The following AGO3 variants were observed in gnomAD, a reference collection of about 807,000 sequenced individuals.
The protein encoded by AGO3 is protein argonaute-3.
AGO3 carries 16 observed loss-of-function variants against 105.5 expected under a neutral mutation model. That is an observed-to-expected ratio of 0.15 (90% CI 0.10 to 0.23). AGO3 has a LOEUF of 0.23. Ranked by LOEUF, AGO3 falls within the 10% of genes least tolerant of loss-of-function variation. The pLI, the probability that AGO3 is intolerant of heterozygous loss-of-function variation, is 1.00. For synonymous variants in AGO3, 340 were observed against 367.3 expected, an observed-to-expected ratio of 0.93 and a Z score of 0.85; for missense variants, 534 against 1,088.0, an observed-to-expected ratio of 0.49 and a Z score of 7.16.
chr1:35,936,480 G>A (rs1384040082), intron 1 of AGO3, among the ~76,000 whole-genome samples: 1 of 152,128 alleles, frequency 6.6e-6, no homozygotes, highest in South Asian at 2.1e-4. Context: ...GTGCAATGGT[G>A]TGATCTTGGC....
At chr1:35,943,037 CTG>C (rs1646285555) in intron 1 of AGO3, among the ~76,000 whole-genome samples, 1 of 151,774 alleles carries the variant, frequency 6.6e-6, no homozygotes, top group South Asian at 2.1e-4. Flanking sequence ...GAGTCTCGCT[CTG>C]TCACCCAGGC....
At chr1:35,972,807 T>C (rs1002067769) in intron 4 of AGO3, among the ~76,000 whole-genome samples, 4 of 151,580 alleles carry the variant, frequency 2.6e-5, no homozygotes, top group African/African-American at 9.7e-5. Context: ...GCCTTCTGAG[T>C]AGCTGGGACC....
intron 2 of AGO3, among the ~76,000 whole-genome samples, chr1:35,956,540 C>A (rs1646567947): frequency 6.6e-6 from 1 of 151,778 alleles, no homozygotes; most frequent in African/African-American, 2.4e-5. Flanking sequence ...TCAGGTTTAC[C>A]AGTGAAAACA....
intron 2 of AGO3, among the ~76,000 whole-genome samples, chr1:35,946,096 C>T (rs138986922): frequency 6.6e-6 from 1 of 152,250 alleles, no homozygotes; most frequent in East Asian, 1.9e-4. Context: ...AGAAAAGGTT[C>T]AAGTTATTTT....
intron 13 of AGO3, among the ~76,000 whole-genome samples, chr1:36,035,292 C>G (rs1641952081): frequency 6.6e-6 from 1 of 152,052 alleles, no homozygotes; most frequent in Admixed American, 6.6e-5. Context: ...TCCAGCTACT[C>G]CAGAGGCTGA....
intron 2 of AGO3, among the ~76,000 whole-genome samples, chr1:35,961,913 T>G (rs1007964863): frequency 5.3e-5 from 8 of 152,214 alleles, no homozygotes; most frequent in Non-Finnish European, 1.0e-4. Context: ...TAATTTGTTC[T>G]TATTACAGTT....
chr1:36,047,700 G>A (rs930057141), intron 17 of AGO3, among the ~76,000 whole-genome samples: 1 of 152,040 alleles, frequency 6.6e-6, no homozygotes, highest in African/African-American at 2.4e-5. Context: ...GGGCAACATG[G>A]TGATACCCCA....
Position 35,934,682 on chromosome 1 carries a change from G to C in AGO3, c.19+3237G>C, listed in dbSNP as rs190765207. ...TTTTTTTTGAGATGGAGTCTTGCTT[G>C]CTCTGTCGCCTAGGCTGGAGTGCAG... On this transcript the variant is annotated intron_variant, in intron 1 of 18. Coordinates refer to ENST00000373191, the MANE Select transcript of AGO3 (RefSeq NM_024852.4). Among the ~76,000 whole-genome samples, 12 of 152,066 alleles carry C rather than the reference G, an allele frequency of 7.9e-5. No individual in the cohort carries two copies. In the East Asian group the frequency reaches 2.3e-3, roughly 29 times the overall value.
In AGO3 at chr1:35,944,290, C is replaced by G. The variant is rs187035428; in HGVS notation, c.20-1402C>G. Among the ~76,000 whole-genome samples the G allele has an allele frequency of 2.0e-5, 3 of 151,952 alleles. No homozygotes were observed. In the South Asian group the frequency reaches 6.2e-4, roughly 32 times the overall value. ...ATTTTGCCCAGGCTAGTCTCAAACTCCTAAGCTCCTAAGCCTCCTGAGTGT... is the reference window on the plus strand; with the variant it reads ...ATTTTGCCCAGGCTAGTCTCAAACTGCTAAGCTCCTAAGCCTCCTGAGTGT... On this transcript the variant is annotated intron_variant, in intron 1 of 18. Coordinates refer to ENST00000373191, the MANE Select transcript of AGO3 (RefSeq NM_024852.4).
chr1:36,009,260 C>T (rs1222546521), intron 8 of AGO3: 2 of 817,934 alleles, frequency 2.4e-6, no homozygotes, highest in Non-Finnish European at 3.6e-6. Flanking sequence ...TTTTGGTATA[C>T]TATACTTCTT....
intron 2 of AGO3, among the ~76,000 whole-genome samples, chr1:35,947,275 T>TA (rs1331898113): frequency 1.3e-5 from 2 of 151,974 alleles, no homozygotes; most frequent in Admixed American, 6.6e-5. Flanking sequence ...TGTTATCAGA[T>TA]ACTGCTTTAA....
intron 2 of AGO3, among the ~76,000 whole-genome samples, chr1:35,955,657 T>C (rs760031794): frequency 5.3e-5 from 8 of 151,400 alleles, no homozygotes; most frequent in Admixed American, 2.6e-4. Context: ...TGCAGTGGCG[T>C]GAACATGGCT....
rs1266726653 is a variant in AGO3, at chr1:35,967,068, C to G, written c.305C>G (p.Thr102Ser). 2.5e-6 allele frequency: 4 copies of G among 1,612,408 alleles called. No individual in the cohort carries two copies. The African/African-American group carries it at 4.0e-5, about 16-fold the overall frequency. Reference sequence around the variant, plus strand: ...ACCGCCAATCCACTTCCTGTGGCAACTACAGGGGTAAGATATGCATTCCTG... The same window carrying G: ...ACCGCCAATCCACTTCCTGTGGCAAGTACAGGGGTAAGATATGCATTCCTG... ...LYTANPLPVA[T>S]TGVDLDVTLP... Residue 102 changes from threonine to serine, a missense_variant, in exon 3 of 19, where the codon ACT (threonine) becomes AGT (serine). Physicochemically the swap from Thr to Ser is moderately conservative, Grantham distance 58. Coordinates refer to ENST00000373191, the MANE Select transcript of AGO3 (RefSeq NM_024852.4).
intron 12 of AGO3, among the ~76,000 whole-genome samples, chr1:36,029,433 C>A (rs1282633139): frequency 5.9e-5 from 8 of 135,000 alleles, no homozygotes; most frequent in Admixed American, 5.8e-4. Context: ...CTCGCTCTGT[C>A]GCCCAGGTTG....
chr1:35,953,246 T>C (rs1343675818), intron 2 of AGO3, among the ~76,000 whole-genome samples: 2 of 151,922 alleles, frequency 1.3e-5, no homozygotes, highest in African/African-American at 2.4e-5. Flanking sequence ...CTGAGCAATG[T>C]AGCAAGACAT....
At chr1:36,009,417 G>A (rs1569756595) in intron 8 of AGO3, 58 bp from the exon 9 acceptor site, 9 of 1,522,054 alleles carry the variant, frequency 5.9e-6, no homozygotes, top group Non-Finnish European at 7.0e-6. Flanking sequence ...TTGGCACTAA[G>A]TAAGAGCTAA....
At chr1:36,022,678 TC>T (rs34188137) in intron 11 of AGO3, among the ~76,000 whole-genome samples, 1 of 152,006 alleles carries the variant, frequency 6.6e-6, no homozygotes, top group Admixed American at 6.6e-5. Flanking sequence ...ACGACTGTAA[TC>T]CCAGCACTTT....
At chr1:35,944,008 T>C (rs1305562757) in intron 1 of AGO3, among the ~76,000 whole-genome samples, 13 of 152,200 alleles carry the variant, frequency 8.5e-5, no homozygotes, top group African/African-American at 2.9e-4. Context: ...ATATACCACA[T>C]TTTGTTTATT....
chr1:35,969,067 A>G (rs563008187), intron 3 of AGO3, among the ~76,000 whole-genome samples: 1 of 152,206 alleles, frequency 6.6e-6, no homozygotes, highest in African/African-American at 2.4e-5. Context: ...TCTGTGGTCA[A>G]GTTGTTTGCC....
Sources: allele counts gnomAD v4.1 joint callset (sites outside exome capture counted in the v4.1 genomes callset), GRCh38; gene constraint gnomAD v4.1.1; transcripts MANE v1.5; gene names NCBI Gene and HGNC (gene_info 2026-07-23, HGNC 2026-07-21).